Variants in OR4C3 observed in about 807,000 individuals in gnomAD.
OR4C3 encodes the protein olfactory receptor family 4 subfamily C member 3.
For synonymous variants in OR4C3, 186 were observed against 140.1 expected (o/e 1.33, Z -2.31); for missense variants, 439 against 360.7 (o/e 1.22, Z -1.76).
At position 48,324,992 on chromosome 11, in the gene OR4C3, G is replaced by A. The variant is rs368414015; in HGVS notation, c.-30G>A. The stretch of plus-strand genomic sequence containing the variant: ...TCTCCTTGTCTTTATAGGCAATACT[G>A]CACCTGCATTCTCAGTGACCTTGGA... On this transcript the variant is annotated 5_prime_UTR_variant, in exon 1 of 1. Coordinates refer to ENST00000319856, the MANE Select transcript of OR4C3 (RefSeq NM_001004702.2). 3.2e-5 allele frequency: 51 copies of A among 1,612,380 alleles called. No individual in the cohort carries two copies. The highest frequency in any genetic ancestry group is 4.0e-5 in the Non-Finnish European group (47 of 1,179,016).
In OR4C3 at chr11:48,324,964, G is replaced by A. The variant is rs1174422730; in HGVS notation, c.-58G>A. The A allele has an allele frequency of 3.1e-6, 5 of 1,602,694 alleles. No individual in the cohort carries two copies. Among genetic ancestry groups the A allele is most frequent in the African/African-American group, 2.7e-5 (2 of 74,190 alleles). ...CCATGCAATTAGTTCTATTACTTAT[G>A]TTTCTCCTTGTCTTTATAGGCAATA... On this transcript the variant is annotated 5_prime_UTR_variant, in exon 1 of 1. It removes an upstream start codon present in the reference 5' UTR. Transcript: ENST00000319856.
In OR4C3 at chr11:48,325,543, C is replaced by G; in HGVS notation, c.522C>G (p.His174Gln). ...LPFCGPNVIN[H>Q]FACDLYPLLE... Reference sequence around the variant, plus strand: ...TCTGTGGGCCCAATGTGATCAATCACTTTGCCTGTGACTTGTACCCTTTGC... The same window carrying G: ...TCTGTGGGCCCAATGTGATCAATCAGTTTGCCTGTGACTTGTACCCTTTGC... Residue 174 changes from histidine (H) to glutamine (Q), a missense_variant, in exon 1 of 1, where the codon CAC (histidine) becomes CAG (glutamine). Coordinates refer to ENST00000319856, the MANE Select transcript of OR4C3 (RefSeq NM_001004702.2). 1 of 1,613,768 alleles carries G rather than the reference C, an allele frequency of 6.2e-7. No homozygotes were observed. Among genetic ancestry groups the G allele is most frequent in the South Asian group, 1.1e-5 (1 of 90,998 alleles).
At position 48,325,653 on chromosome 11, in the gene OR4C3, T is replaced by C. The variant is rs780404557; in HGVS notation, c.632T>C (p.Met211Thr). Residue 211 changes from methionine to threonine, a missense_variant, in exon 1 of 1, where the codon ATG (methionine) becomes ACG (threonine). Coordinates refer to ENST00000319856, the MANE Select transcript of OR4C3 (RefSeq NM_001004702.2). Reference protein sequence around the residue: ...SGLICLLNFLMLAASYIVILY... With the variant: ...SGLICLLNFLTLAASYIVILY... ...TTAATCTGCCTGTTGAACTTCCTCATGCTGGCTGCCTCCTACATTGTCATC... is the reference window on the plus strand; with the variant it reads ...TTAATCTGCCTGTTGAACTTCCTCACGCTGGCTGCCTCCTACATTGTCATC... 1.9e-6 allele frequency: 3 copies of C among 1,614,164 alleles called. No homozygotes were observed. Among genetic ancestry groups the C allele is most frequent in the Non-Finnish European group, 2.5e-6 (3 of 1,180,010 alleles).
rs752844847 is a variant in OR4C3 at position 48,325,406 on chromosome 11, C to T, written c.385C>T (p.His129Tyr). 3 of 1,613,842 alleles carry T rather than the reference C, an allele frequency of 1.9e-6. No individual in the cohort carries two copies. The African/African-American group carries it at 4.0e-5, about 22-fold the overall frequency. ...CTATGTGGCCATCTGTAAGCCCCTG[C>T]ACAATACTACCATCATGACCAGGCA... ...DRYVAICKPL[H>Y]NTTIMTRHLC... is the part of the protein sequence containing the mutation. Residue 129 changes from histidine (H) to tyrosine (Y), a missense_variant, in exon 1 of 1, where the codon CAC becomes TAC. Coordinates refer to ENST00000319856, the MANE Select transcript of OR4C3 (RefSeq NM_001004702.2).
Position 48,325,859 on chromosome 11 carries a change from T to G in OR4C3, c.838T>G (p.Leu280Val). 1 of 1,577,752 alleles carries G rather than the reference T, an allele frequency of 6.3e-7. No individual in the cohort carries two copies. Among genetic ancestry groups the G allele is most frequent in the Non-Finnish European group, 8.6e-7 (1 of 1,164,638 alleles). Residue 280 changes from leucine to valine, a missense_variant, in exon 1 of 1, where the codon TTG becomes GTG. Leu to Val is a conservative substitution (Grantham distance 32). Coordinates refer to ENST00000319856, the MANE Select transcript of OR4C3 (RefSeq NM_001004702.2). ...ALFYGILTPM[L>V]NPLIYTLRNE... ...ATTTTATGGTATTCTGACACCTATG[T>G]TGAATCCACTCATTTATACCCTGAG...
chr11:48,325,606 G>A lies in OR4C3; in HGVS notation c.585G>A (p.Leu195=). 6.2e-7 allele frequency: 1 copy of A among 1,614,008 alleles called. No homozygotes were observed. Among genetic ancestry groups the A allele is most frequent in the East Asian group, 2.2e-5 (1 of 44,872 alleles). ...GCACCAATACGTATGTCATTGGTCT[G>A]CTGGTGGTTGCCAACAGTGGTTTAA... ...VACTNTYVIG[L]LVVANSGLIC... is the part of the protein sequence containing the mutation. The change falls in exon 1 of 1, where the codon CTG becomes CTA. Residue 195 remains leucine, a synonymous_variant. Transcript: ENST00000319856.
rs370865867 is a variant in OR4C3 at position 48,325,492 on chromosome 11, G to C, written c.471G>C (p.Gln157His). 56 of 1,613,676 alleles carry C rather than the reference G, an allele frequency of 3.5e-5. No homozygotes were observed. The highest frequency in any genetic ancestry group is 2.5e-4 in the African/African-American group (19 of 74,908). ...GGGGCTTCCTGCATTCATTGGTTCA[G>C]CTCCTCCTGGTCCTTTGGTTGCCCT... is the stretch of plus-strand genomic sequence containing the variant. Reference protein sequence around the residue: ...WLGGFLHSLVQLLLVLWLPFC... With the variant: ...WLGGFLHSLVHLLLVLWLPFC... Residue 157 changes from glutamine (Q) to histidine (H), a missense_variant, in exon 1 of 1, where the codon CAG (glutamine) becomes CAC (histidine). By Grantham distance (24) the Gln-to-His change is conservative (BLOSUM62 0). Coordinates refer to ENST00000319856, the MANE Select transcript of OR4C3 (RefSeq NM_001004702.2).
chr11:48,325,009 G>T lies in OR4C3; in HGVS notation c.-13G>T. On this transcript the variant is annotated 5_prime_UTR_variant, in exon 1 of 1. Transcript: ENST00000319856. ...GCAATACTGCACCTGCATTCTCAGT[G>T]ACCTTGGAATCTATGGACATACCAC... 1 of 1,613,642 alleles carries T rather than the reference G, an allele frequency of 6.2e-7. No individual in the cohort carries two copies. Among genetic ancestry groups the T allele is most frequent in the South Asian group, 1.1e-5 (1 of 90,990 alleles).
In OR4C3 at chr11:48,325,061, G is replaced by C; in HGVS notation, c.40G>C (p.Gly14Arg). Reference protein sequence around the residue: ...PQNITEFFMLGLSQNSEVQRV... With the variant: ...PQNITEFFMLRLSQNSEVQRV... ...AAATATCACAGAATTTTTCATGCTGGGGCTCTCACAGAACTCAGAGGTACA... is the reference window on the plus strand; with the variant it reads ...AAATATCACAGAATTTTTCATGCTGCGGCTCTCACAGAACTCAGAGGTACA... Residue 14 changes from glycine (G) to arginine (R), a missense_variant, in exon 1 of 1, where the codon GGG becomes CGG. Gly to Arg is a moderately radical substitution (Grantham distance 125). Transcript: ENST00000319856. 1.9e-6 allele frequency: 3 copies of C among 1,614,000 alleles called. No homozygotes were observed. The highest frequency in any genetic ancestry group is 1.7e-6 in the Non-Finnish European group (2 of 1,179,998).
At position 48,325,032 on chromosome 11, in the gene OR4C3, C is replaced by T. The variant is rs769155991; in HGVS notation, c.11C>T (p.Pro4Leu). The change falls in exon 1 of 1, where the codon CCA (proline) becomes CTA (leucine). Residue 4 changes from proline to leucine, a missense_variant. Pro to Leu is a moderately conservative substitution (Grantham distance 98). Transcript: ENST00000319856. MDI[P>L]QNITEFFMLG... ...GTGACCTTGGAATCTATGGACATAC[C>T]ACAAAATATCACAGAATTTTTCATG... is the stretch of plus-strand genomic sequence containing the variant. 2 of 1,613,900 alleles carry T rather than the reference C, an allele frequency of 1.2e-6. No individual in the cohort carries two copies. Among genetic ancestry groups the T allele is most frequent in the African/African-American group, 1.3e-5 (1 of 74,882 alleles).
In OR4C3 at chr11:48,325,812, C is replaced by T. The variant is rs754186659; in HGVS notation, c.791C>T (p.Pro264Leu). The T allele has an allele frequency of 1.2e-6, 2 of 1,609,258 alleles. No homozygotes were observed. Among genetic ancestry groups the T allele is most frequent in the Non-Finnish European group, 1.7e-6 (2 of 1,178,144 alleles). The change falls in exon 1 of 1, where the codon CCT becomes CTT. Residue 264 changes from proline to leucine, a missense_variant. By Grantham distance (98) the Pro-to-Leu change is moderately conservative (BLOSUM62 -3). Transcript: ENST00000319856. Reference protein sequence around the residue: ...FTYVHPFSTLPIDKNMALFYG... With the variant: ...FTYVHPFSTLLIDKNMALFYG... ...TATGTGCATCCATTTTCTACTTTAC[C>T]TATAGACAAAAATATGGCATTATTT...
In OR4C3 at chr11:48,325,726, C is replaced by T. The variant is rs146173332; in HGVS notation, c.705C>T (p.Leu235=). 9.5e-4 allele frequency: 1,529 copies of T among 1,613,814 alleles called. 2 individuals are homozygous for T. The highest frequency in any genetic ancestry group is 1.2e-3 in the Non-Finnish European group (1,430 of 1,179,872). The change falls in exon 1 of 1, where the codon CTC becomes CTT. Residue 235 remains leucine, a synonymous_variant. Transcript: ENST00000319856. ...SHSADGRCKA[L]STCGAHFIVV... is the part of the protein sequence containing the mutation. ...GTGCAGATGGGAGATGCAAAGCCCT[C>T]TCCACCTGTGGAGCCCACTTCATTG...
rs1421884448 is a variant in OR4C3 at position 48,325,643 on chromosome 11, A to G, written c.622A>G (p.Asn208Asp). 6.2e-7 allele frequency: 1 copy of G among 1,614,036 alleles called. No individual in the cohort carries two copies. The highest frequency in any genetic ancestry group is 2.2e-5 in the East Asian group (1 of 44,876). The stretch of plus-strand genomic sequence containing the variant: ...CAACAGTGGTTTAATCTGCCTGTTG[A>G]ACTTCCTCATGCTGGCTGCCTCCTA... ...VANSGLICLL[N>D]FLMLAASYIV... The change falls in exon 1 of 1, where the codon AAC (asparagine) becomes GAC (aspartate). Residue 208 changes from asparagine (N) to aspartate (D), a missense_variant. Coordinates refer to ENST00000319856, the MANE Select transcript of OR4C3 (RefSeq NM_001004702.2).
rs757497881 is a variant in OR4C3 at position 48,325,228 on chromosome 11, C to A, written c.207C>A (p.Thr69=). The A allele has an allele frequency of 4.3e-6, 7 of 1,614,146 alleles. No individual in the cohort carries two copies. The highest frequency in any genetic ancestry group is 5.1e-6 in the Non-Finnish European group (6 of 1,180,030). The change falls in exon 1 of 1, where the codon ACC becomes ACA. Residue 69 remains threonine, a synonymous_variant. Transcript: ENST00000319856. ...TGGCCAACCTATCCTTTATTGACAC[C>A]TTTTATTCTTCTTCTATGGCTCCTA... The part of the protein sequence containing the change: ...FFLANLSFID[T]FYSSSMAPKL...
rs1852201596 is a variant in OR4C3, at chr11:48,325,324, A to G, written c.303A>G (p.Gly101=). 6.2e-7 allele frequency: 1 copy of G among 1,613,600 alleles called. No homozygotes were observed. The highest frequency in any genetic ancestry group is 1.7e-5 in the Admixed American group (1 of 59,948). Residue 101 remains glycine, a synonymous_variant, in exon 1 of 1, where the codon GGA becomes GGG. Transcript: ENST00000319856. ...AGTGCTGCATGGCTCAGCTCTTTGGAGCTCATTTTTTGGGAGGTGTTGAGA... is the reference window on the plus strand; with the variant it reads ...AGTGCTGCATGGCTCAGCTCTTTGGGGCTCATTTTTTGGGAGGTGTTGAGA... ...SYECCMAQLF[G]AHFLGGVEII...
rs1469703396 is a variant in OR4C3, at chr11:48,325,825, T to G, written c.804T>G (p.Asn268Lys). ...HPFSTLPIDKNMALFYGILTP... is the reference protein window; with the variant it reads ...HPFSTLPIDKKMALFYGILTP... ...TTTCTACTTTACCTATAGACAAAAA[T>G]ATGGCATTATTTTATGGTATTCTGA... Residue 268 changes from asparagine to lysine, a missense_variant, in exon 1 of 1, where the codon AAT (asparagine) becomes AAG (lysine). Transcript: ENST00000319856. The G allele has an allele frequency of 6.2e-7, 1 of 1,606,844 alleles. No homozygotes were observed. Among genetic ancestry groups the G allele is most frequent in the East Asian group, 2.2e-5 (1 of 44,866 alleles).
rs752508677 is a variant in OR4C3, at chr11:48,325,269, C to T, written c.248C>T (p.Ser83Leu). 1.2e-6 allele frequency: 2 copies of T among 1,614,158 alleles called. No individual in the cohort carries two copies. The highest frequency in any genetic ancestry group is 1.7e-6 in the Non-Finnish European group (2 of 1,179,990). The stretch of plus-strand genomic sequence containing the variant: ...ATGGCTCCTAAACTCATTGCTGACT[C>T]ATTGTATGAGGGGAGAACCATCTCT... Reference protein sequence around the residue: ...SSMAPKLIADSLYEGRTISYE... With the variant: ...SSMAPKLIADLLYEGRTISYE... The change falls in exon 1 of 1, where the codon TCA (serine) becomes TTA (leucine). Residue 83 changes from serine (S) to leucine (L), a missense_variant. Transcript: ENST00000319856.
Position 48,325,384 on chromosome 11 carries a change from T to C in OR4C3, c.363T>C (p.Tyr121=), listed in dbSNP as rs1852202718. 8.1e-6 allele frequency: 13 copies of C among 1,614,136 alleles called. No individual in the cohort carries two copies. The highest frequency in any genetic ancestry group is 2.2e-5 in the East Asian group (1 of 44,880). Residue 121 remains tyrosine, a synonymous_variant, in exon 1 of 1, where the codon TAT becomes TAC. Coordinates refer to ENST00000319856, the MANE Select transcript of OR4C3 (RefSeq NM_001004702.2). ...ILLTVMAYDR[Y]VAICKPLHNT... The stretch of plus-strand genomic sequence containing the variant: ...TCACAGTGATGGCTTATGACCGCTA[T>C]GTGGCCATCTGTAAGCCCCTGCACA...
At position 48,325,597 on chromosome 11, in the gene OR4C3, C is replaced by T. The variant is rs758189957; in HGVS notation, c.576C>T (p.Val192=). 2 of 1,613,860 alleles carry T rather than the reference C, an allele frequency of 1.2e-6. No homozygotes were observed. The highest frequency in any genetic ancestry group is 8.5e-7 in the Non-Finnish European group (1 of 1,179,838). ...AAGTTGCCTGCACCAATACGTATGTCATTGGTCTGCTGGTGGTTGCCAACA... is the reference window on the plus strand; with the variant it reads ...AAGTTGCCTGCACCAATACGTATGTTATTGGTCTGCTGGTGGTTGCCAACA... ...LLEVACTNTY[V]IGLLVVANSG... Residue 192 remains valine, a synonymous_variant, in exon 1 of 1, where the codon GTC becomes GTT. Transcript: ENST00000319856.
Sources: allele counts gnomAD v4.1 joint callset, GRCh38; gene constraint gnomAD v4.1.1; transcripts MANE v1.5; gene names NCBI Gene and HGNC (gene_info 2026-07-23, HGNC 2026-07-21).